Variants in HNRNPM observed in about 807,000 individuals in gnomAD.
HNRNPM encodes heterogeneous nuclear ribonucleoprotein M, also known as CEA receptor.
In HNRNPM, 11 loss-of-function variants were observed where a neutral mutation model predicts 73.1. The ratio of observed to expected loss-of-function variants is 0.15; its 90% CI spans 0.09 to 0.25. The LOEUF (loss-of-function observed/expected upper bound fraction) is 0.25. Among genes scored for constraint, HNRNPM ranks in the 10% least tolerant of loss-of-function variants. HNRNPM has a pLI of 1.00. For missense variants in HNRNPM, 789 were observed against 1,067.9 expected, an observed-to-expected ratio of 0.74 and a Z score of 3.64; for synonymous variants, 407 against 355.2, an observed-to-expected ratio of 1.15 and a Z score of -1.64.
intron 1 of HNRNPM, among the ~76,000 whole-genome samples, chr19:8,451,349 TAAA>T (rs1416802163): frequency 6.6e-6 from 1 of 152,094 alleles, no homozygotes; most frequent in African/African-American, 2.4e-5. Context: ...AGCCAAAAGT[TAAA>T]AAGACTTGCA....
intron 1 of HNRNPM, among the ~76,000 whole-genome samples, chr19:8,447,351 A>G (rs1466221372): frequency 6.6e-6 from 1 of 151,546 alleles, no homozygotes; most frequent in Non-Finnish European, 1.5e-5. Context: ...GGCCATTAAC[A>G]TATTTGTATG....
intron 2 of HNRNPM, among the ~76,000 whole-genome samples, chr19:8,457,588 G>A (rs926450841): frequency 1.3e-5 from 2 of 152,016 alleles, no homozygotes; most frequent in African/African-American, 2.4e-5. Context: ...AATTATTAGC[G>A]GTATAGGATT....
At chr19:8,460,696 C>A (rs990905312) in intron 2 of HNRNPM, among the ~76,000 whole-genome samples, 1 of 152,196 alleles carries the variant, frequency 6.6e-6, no homozygotes, top group African/African-American at 2.4e-5. Context: ...CTAGAAACTT[C>A]CCATGCAACT....
intron 2 of HNRNPM, among the ~76,000 whole-genome samples, chr19:8,459,756 C>T (rs560321013): frequency 6.6e-6 from 1 of 152,252 alleles, no homozygotes; most frequent in South Asian, 2.1e-4. Context: ...CAGGGACCGC[C>T]TGAGTTCTTT....
At chr19:8,467,404 G>T in intron 7 of HNRNPM, 131 bp from the exon 8 acceptor site, 1 of 664,494 alleles carries the variant, frequency 1.5e-6, no homozygotes, top group Non-Finnish European at 2.7e-6. Context: ...AAAGTATAAT[G>T]AAGAATTGAA....
chr19:8,481,967 C>CTTTTTTTT (rs35179733), intron 12 of HNRNPM, among the ~76,000 whole-genome samples: 2 of 117,340 alleles, frequency 1.7e-5, no homozygotes, highest in African/African-American at 3.2e-5. Context: ...TGTTTGGTGT[C>CTTTTTTTT]TTTTTTTTTT....
intron 12 of HNRNPM, among the ~76,000 whole-genome samples, chr19:8,477,738 G>A (rs968966623): frequency 1.3e-5 from 2 of 151,060 alleles, no homozygotes; most frequent in Non-Finnish European, 2.9e-5. Flanking sequence ...ACCCCGTTAT[G>A]TAGATGCAGC....
chr19:8,483,303 G>A, intron 13 of HNRNPM, 92 bp downstream of exon 13: 1 of 940,078 alleles, frequency 1.1e-6, no homozygotes, highest in East Asian at 2.4e-5. Context: ...TGCGGGTTCT[G>A]ACACAGACTG....
chr19:8,477,008 T>A (rs1460417655), intron 12 of HNRNPM, among the ~76,000 whole-genome samples: 1 of 152,154 alleles, frequency 6.6e-6, no homozygotes, highest in Non-Finnish European at 1.5e-5. Flanking sequence ...TGGCAGCCAG[T>A]CCTTGTTAAT....
chr19:8,454,345 T>G (rs1374017238), intron 1 of HNRNPM, among the ~76,000 whole-genome samples: 1 of 152,244 alleles, frequency 6.6e-6, no homozygotes, highest in East Asian at 1.9e-4. Context: ...CTTCAGTGAC[T>G]GGCTTATTTC....
chr19:8,476,219 C>G (rs114342631), intron 12 of HNRNPM, among the ~76,000 whole-genome samples: 2 of 152,064 alleles, frequency 1.3e-5, no homozygotes, highest in African/African-American at 4.8e-5. Flanking sequence ...CTCCCCACAC[C>G]CTCTACAGCT....
intron 12 of HNRNPM, chr19:8,481,597 C>T (rs966962561): frequency 2.0e-5 from 3 of 152,284 alleles, no homozygotes; most frequent in Non-Finnish European, 2.9e-5. Context: ...GGGGTGTGCA[C>T]GGGAGAATAT....
At chr19:8,446,797 G>A (rs1391108540) in intron 1 of HNRNPM, among the ~76,000 whole-genome samples, 1 of 152,138 alleles carries the variant, frequency 6.6e-6, no homozygotes, top group Non-Finnish European at 1.5e-5. Context: ...CCCTCCTTAA[G>A]TAGGGAGAAA....
chr19:8,486,127 GGCCTGGAGCGCATGGGCGCCAACA>G lies in HNRNPM; in HGVS notation c.1704_1727del (p.Ala573_Gly580del), dbSNP rs759817952. The G allele has an allele frequency of 6.2e-7, 1 of 1,606,252 alleles. No homozygotes were observed. Among genetic ancestry groups the G allele is most frequent in the Non-Finnish European group, 8.5e-7 (1 of 1,179,480 alleles). ...GGGCGCCAACAATCTGGAGCGGATG[GGCCTGGAGCGCATGGGCGCCAACA>G]GCCTCGAGCGCATGGGCCTGGAGCG... On this transcript the variant is annotated inframe_deletion, in exon 14 of 16. Transcript: ENST00000325495.
In HNRNPM at chr19:8,463,592, GTGT is replaced by G. The variant is rs770427953; in HGVS notation, c.350_352del (p.Val117del). 1 of 1,613,498 alleles carries G rather than the reference GTGT, an allele frequency of 6.2e-7. No homozygotes were observed. The highest frequency in any genetic ancestry group is 8.5e-7 in the Non-Finnish European group (1 of 1,179,590). Reference sequence around the variant, plus strand: ...CGACTCGTTTCCTTTTGACTCTATAGTGTTGTTGAATTCAAGATGGAAGAGAGC... The same window carrying G: ...CGACTCGTTTCCTTTTGACTCTATAGTGTTGAATTCAAGATGGAAGAGAGC... On this transcript the variant is annotated inframe_deletion and splice_region_variant, in exon 5 of 16. Transcript: ENST00000325495.
intron 5 of HNRNPM, among the ~76,000 whole-genome samples, chr19:8,464,438 AG>A (rs1034838997): frequency 2.2e-4 from 33 of 152,304 alleles, no homozygotes; most frequent in African/African-American, 7.0e-4. Flanking sequence ...GTTCAAGACC[AG>A]CTTGACCAAC....
rs1392853014 is a variant in HNRNPM at position 8,468,824 on chromosome 19, A to G, written c.885A>G (p.Gln295=). The G allele has an allele frequency of 3.7e-6, 6 of 1,612,948 alleles. No individual in the cohort carries two copies. The highest frequency in any genetic ancestry group is 1.7e-4 in the Middle Eastern group (1 of 6,056). The change falls in exon 9 of 16, where the codon CAA becomes CAG. Residue 295 remains glutamine, a synonymous_variant. Transcript: ENST00000325495. ...ATTTCTTCCCTCCTGAGCGTCCACA[A>G]CAACTTCCCCGTAAGTGTTTCAGTG... ...KGDFFPPERP[Q]QLPHGLGGIG...
At chr19:8,479,096 T>TTTTTTTTTTC (rs1970722303) in intron 12 of HNRNPM, among the ~76,000 whole-genome samples, 1 of 126,912 alleles carries the variant, frequency 7.9e-6, no homozygotes. Flanking sequence ...TTTTTTTTTT[T>TTTTTTTTTTC]TTTTTTCAAG....
chr19:8,468,921 GT>G, intron 9 of HNRNPM, 87 bp downstream of exon 9: 5 of 1,102,724 alleles, frequency 4.5e-6, no homozygotes, highest in East Asian at 2.4e-5. Flanking sequence ...ACTTGAACCT[GT>G]GCCAGGTTAG....
Sources: gnomAD v4.1 joint callset for allele counts (sites outside exome capture counted in the v4.1 genomes callset) on GRCh38, gnomAD v4.1.1 for gene constraint, MANE v1.5 for transcripts, NCBI Gene and HGNC (gene_info 2026-07-23, HGNC 2026-07-21) for gene names.